The following TRABD2A variants were observed in gnomAD, a reference collection of about 807,000 sequenced individuals.
The protein encoded by TRABD2A is TraB domain containing 2A.
In TRABD2A, 43 loss-of-function variants were observed where a neutral mutation model predicts 45.6. The ratio of observed to expected loss-of-function variants is 0.94; its 90% CI spans 0.74 to 1.22. TRABD2A has a LOEUF of 1.22. Ranked by LOEUF, TRABD2A falls within the 50% of genes most tolerant of loss-of-function variation. The pLI is 0.00. For missense variants in TRABD2A, 642 were observed against 652.4 expected, an observed-to-expected ratio of 0.98 and a Z score of 0.17; for synonymous variants, 269 against 265.0, an observed-to-expected ratio of 1.02 and a Z score of -0.15.
chr2:84,832,007 C>T (rs1273613452), intron 5 of TRABD2A, 48 bp downstream of exon 5: 7 of 1,604,580 alleles, frequency 4.4e-6, no homozygotes, highest in Admixed American at 1.7e-5. Flanking sequence ...CAGGCAGCCC[C>T]ATGAGGGTCT....
chr2:84,827,826 A>C (rs1681194771), intron 5 of TRABD2A, among the ~76,000 whole-genome samples: 1 of 152,216 alleles, frequency 6.6e-6, no homozygotes, highest in Admixed American at 6.5e-5. Context: ...CTGGCTTTGA[A>C]GATGGAAGGC....
At chr2:84,826,076 C>T (rs930831792) in intron 5 of TRABD2A, among the ~76,000 whole-genome samples, 1 of 152,194 alleles carries the variant, frequency 6.6e-6, no homozygotes, top group Non-Finnish European at 1.5e-5. Context: ...CCATCAAGCC[C>T]TCTGCCCATG....
At position 84,870,472 on chromosome 2, in the gene TRABD2A, T is replaced by C. The variant is rs1280743351; in HGVS notation, c.422A>G (p.Asp141Gly). The C allele has an allele frequency of 6.2e-7, 1 of 1,613,862 alleles. No individual in the cohort carries two copies. Among genetic ancestry groups the C allele is most frequent in the African/African-American group, 1.3e-5 (1 of 74,918 alleles). ...TGCGTAGAGCCCCTTGCCGCGCTGG[T>C]CTGGGGTCATCCACAAGGGCATCAT... ...KLMMPLWMTP[D>G]QRGKGLYADY... The change falls in exon 2 of 7, where the codon GAC (aspartate) becomes GGC (glycine). Residue 141 changes from aspartate (D) to glycine (G), a missense_variant. Asp to Gly is a moderately conservative substitution (Grantham distance 94, BLOSUM62 -1). Transcript: ENST00000409520.
At chr2:84,872,933 G>A (rs553251009) in intron 1 of TRABD2A, among the ~76,000 whole-genome samples, 1 of 151,644 alleles carries the variant, frequency 6.6e-6, no homozygotes, top group East Asian at 1.9e-4. Flanking sequence ...TGGGCAACAT[G>A]GTGAAACCGT....
intron 2 of TRABD2A, among the ~76,000 whole-genome samples, chr2:84,852,048 C>G (rs1173142990): frequency 1.3e-5 from 2 of 152,188 alleles, no homozygotes; most frequent in Non-Finnish European, 2.9e-5. Context: ...AGGTTGGCAT[C>G]AGGAGGCTCC....
At chr2:84,877,604 CAAAA>C (rs1297872372) in intron 1 of TRABD2A, among the ~76,000 whole-genome samples, 1 of 151,366 alleles carries the variant, frequency 6.6e-6, no homozygotes, top group Non-Finnish European at 1.5e-5. Context: ...GACTGTGTCT[CAAAA>C]AAGAAAAAAG....
At chr2:84,868,000 G>T (rs2105406238) in intron 2 of TRABD2A, among the ~76,000 whole-genome samples, 1 of 152,318 alleles carries the variant, frequency 6.6e-6, no homozygotes, top group South Asian at 2.1e-4. Flanking sequence ...CTGTAAACTA[G>T]TTCAACCATT....
At chr2:84,856,432 G>T (rs1037867585) in intron 2 of TRABD2A, among the ~76,000 whole-genome samples, 1 of 152,068 alleles carries the variant, frequency 6.6e-6, no homozygotes, top group Non-Finnish European at 1.5e-5. Flanking sequence ...TGCCAGACTC[G>T]GGAGCTAAAG....
chr2:84,853,572 A>G (rs970783679), intron 2 of TRABD2A, among the ~76,000 whole-genome samples: 4 of 152,198 alleles, frequency 2.6e-5, no homozygotes, highest in African/African-American at 9.7e-5. Flanking sequence ...TCAGTGTAAG[A>G]TTTGGGTGGG....
chr2:84,841,103 AC>A (rs1438209319), intron 3 of TRABD2A, among the ~76,000 whole-genome samples: 3 of 152,180 alleles, frequency 2.0e-5, no homozygotes, highest in Non-Finnish European at 4.4e-5. Context: ...GGTGGGGGAA[AC>A]AACACACTCC....
At chr2:84,826,556 G>A (rs1681150975) in intron 5 of TRABD2A, among the ~76,000 whole-genome samples, 1 of 152,146 alleles carries the variant, frequency 6.6e-6, no homozygotes, top group African/African-American at 2.4e-5. Flanking sequence ...GTTTTGAGAT[G>A]GAGTCTTGCT....
intron 1 of TRABD2A, among the ~76,000 whole-genome samples, chr2:84,874,462 G>A (rs1682962253): frequency 6.6e-6 from 1 of 152,240 alleles, no homozygotes; most frequent in East Asian, 1.9e-4. Flanking sequence ...GAATACAACA[G>A]TGAGTGACAC....
At chr2:84,827,706 G>A (rs1353216846) in intron 5 of TRABD2A, among the ~76,000 whole-genome samples, 1 of 152,176 alleles carries the variant, frequency 6.6e-6, no homozygotes, top group African/African-American at 2.4e-5. Context: ...AGTAGCCCAG[G>A]TTATCCAGGG....
intron 1 of TRABD2A, among the ~76,000 whole-genome samples, chr2:84,873,832 G>C (rs1471003840): frequency 3.9e-5 from 6 of 152,304 alleles, no homozygotes; most frequent in African/African-American, 1.2e-4. Flanking sequence ...GGGGACCACT[G>C]ACCTATATAA....
At chr2:84,832,207 A>G in intron 4 of TRABD2A, 62 bp from the exon 5 acceptor site, 2 of 1,547,164 alleles carry the variant, frequency 1.3e-6, no homozygotes, top group Non-Finnish European at 8.9e-7. Flanking sequence ...ATACTCCCCA[A>G]ACACACACCC....
chr2:84,850,420 T>C (rs940400794), intron 2 of TRABD2A, among the ~76,000 whole-genome samples: 3 of 151,930 alleles, frequency 2.0e-5, no homozygotes, highest in African/African-American at 7.3e-5. Context: ...GGGAAGAAGA[T>C]GGTGGTGGTC....
In TRABD2A at chr2:84,841,921, G is replaced by A; in HGVS notation, c.756C>T (p.Leu252=). Residue 252 remains leucine (L), a synonymous_variant, in exon 3 of 7, where the codon CTC becomes CTT. Coordinates refer to ENST00000409520, the MANE Select transcript of TRABD2A (RefSeq NM_001277053.2). ...GGTCCCCGCAGTTATAGTGTTTGAT[G>A]AGATCCTCCGTCGTGTAGGGGATCT... The part of the protein sequence containing the change: ...SLQIPYTTED[L]IKHYNCGDLS... 1 of 1,548,870 alleles carries A rather than the reference G, an allele frequency of 6.5e-7. No homozygotes were observed. The highest frequency in any genetic ancestry group is 1.4e-5 in the African/African-American group (1 of 73,102).
intron 6 of TRABD2A, among the ~76,000 whole-genome samples, chr2:84,822,875 C>T (rs1386421667): frequency 6.6e-6 from 1 of 152,200 alleles, no homozygotes; most frequent in African/African-American, 2.4e-5. Flanking sequence ...CCTCTCTGGA[C>T]ACATCTCACC....
intron 1 of TRABD2A, among the ~76,000 whole-genome samples, chr2:84,878,025 AT>A (rs926927630): frequency 6.6e-6 from 1 of 152,222 alleles, no homozygotes; most frequent in African/African-American, 2.4e-5. Context: ...ATAAACAAAA[AT>A]TTTTATCAGA....
Sources: gnomAD v4.1 joint callset for allele counts (sites outside exome capture counted in the v4.1 genomes callset) on GRCh38, gnomAD v4.1.1 for gene constraint, MANE v1.5 for transcripts, NCBI Gene and HGNC (gene_info 2026-07-23, HGNC 2026-07-21) for gene names.